The following PBX1 variants were observed in gnomAD, a reference collection of about 807,000 sequenced individuals.
The protein encoded by PBX1 is pre-B-cell leukemia transcription factor 1.
A neutral mutation model predicts 53.4 loss-of-function variants in PBX1; 6 were observed. That is an observed-to-expected ratio of 0.11 (90% CI 0.06 to 0.22). The LOEUF is 0.22. Ranked by LOEUF, PBX1 falls within the 10% of genes least tolerant of loss-of-function variation. The pLI is 1.00. For synonymous variants in PBX1, 204 were observed against 212.3 expected, an observed-to-expected ratio of 0.96 and a Z score of 0.34; for missense variants, 251 against 551.4, an observed-to-expected ratio of 0.46 and a Z score of 5.46.
chr1:164,720,940 A>G (rs1428344003), intron 2 of PBX1, among the ~76,000 whole-genome samples: 5 of 152,154 alleles, frequency 3.3e-5, no homozygotes, highest in Non-Finnish European at 7.3e-5. Context: ...CTGTGCCTTC[A>G]TTGCAACAAA....
chr1:164,582,701 AGTGTGAGCCACC>A (rs1365404383), intron 2 of PBX1, among the ~76,000 whole-genome samples: 1 of 152,132 alleles, frequency 6.6e-6, no homozygotes, highest in Non-Finnish European at 1.5e-5. Context: ...GGGAATTACA[AGTGTGAGCCACC>A]GTGCCCGGCC....
intron 2 of PBX1, among the ~76,000 whole-genome samples, chr1:164,661,531 A>C (rs1368491415): frequency 6.6e-6 from 1 of 151,420 alleles, no homozygotes; most frequent in Non-Finnish European, 1.5e-5. Flanking sequence ...GGTTCAAACA[A>C]TTCTCCTGCC....
Position 164,603,961 on chromosome 1 carries a change from T to TTTA in PBX1, c.265+40651_265+40652insTAT, listed in dbSNP as rs1553214847. ...TTTTTTTTTTTTTTTTTTTTTTTTTTTAGAGATGAGTCTCTGTCACCCAGG... is the reference window on the plus strand; with the variant it reads ...TTTTTTTTTTTTTTTTTTTTTTTTTTTTATAGAGATGAGTCTCTGTCACCCAGG... On this transcript the variant is annotated intron_variant, in intron 2 of 8. Coordinates refer to ENST00000420696, the MANE Select transcript of PBX1 (RefSeq NM_002585.4). 1.1e-3 allele frequency among the ~76,000 whole-genome samples: 140 copies of TTTA among 132,022 alleles called. 5 individuals carry two copies. Among genetic ancestry groups the TTTA allele is most frequent in the African/African-American group, 3.9e-3 (137 of 35,124 alleles). 86.6% of individuals were successfully genotyped at this position (132,022 alleles called of 152,430 possible).
chr1:164,848,377 T>C lies in PBX1; in HGVS notation c.*1701T>C, dbSNP rs1671670767. On this transcript the variant is annotated 3_prime_UTR_variant, in exon 9 of 9. Coordinates refer to ENST00000420696, the MANE Select transcript of PBX1 (RefSeq NM_002585.4). Reference sequence around the variant, plus strand: ...TTCATCTGTGAGATGGGAACTGTTATGCCTGGCTTACTAAGAGTCTTGTGA... The same window carrying C: ...TTCATCTGTGAGATGGGAACTGTTACGCCTGGCTTACTAAGAGTCTTGTGA... 6.6e-6 allele frequency: 7 copies of C among 1,056,034 alleles called. No homozygotes were observed. In the Admixed American group the frequency reaches 1.6e-4, roughly 25 times the overall value. The allele number at this position is 1,056,034 out of a possible 1,614,324, so 65.4% of individuals were successfully genotyped here.
intron 2 of PBX1, among the ~76,000 whole-genome samples, chr1:164,569,769 C>T (rs1325427146): frequency 1.3e-5 from 2 of 151,920 alleles, no homozygotes; most frequent in Non-Finnish European, 2.9e-5. Context: ...CCCTGTTGGC[C>T]AGGCTGGTCT....
intron 2 of PBX1, among the ~76,000 whole-genome samples, chr1:164,873,509 C>A (rs1205442802): frequency 6.6e-6 from 1 of 152,180 alleles, no homozygotes; most frequent in Admixed American, 6.5e-5. Context: ...TTACTACATG[C>A]TCTGAAGCCC....
intron 2 of PBX1, among the ~76,000 whole-genome samples, chr1:164,607,654 T>C (rs1656649897): frequency 6.6e-6 from 1 of 152,178 alleles, no homozygotes; most frequent in African/African-American, 2.4e-5. Flanking sequence ...TAAATAGCGA[T>C]TGATGCCGTG....
chr1:164,718,426 C>T (rs984448348), intron 2 of PBX1, among the ~76,000 whole-genome samples: 2 of 152,162 alleles, frequency 1.3e-5, no homozygotes, highest in Non-Finnish European at 1.5e-5. Flanking sequence ...GGTGGGGTGA[C>T]CTTCACTAAT....
chr1:164,621,063 A>C (rs1210300493), intron 2 of PBX1, among the ~76,000 whole-genome samples: 2 of 152,080 alleles, frequency 1.3e-5, no homozygotes, highest in African/African-American at 4.8e-5. Flanking sequence ...GTCTTGGCTC[A>C]CTGCAACCTC....
At chr1:164,833,297 A>G (rs187228876) in intron 8 of PBX1, among the ~76,000 whole-genome samples, 1 of 152,306 alleles carries the variant, frequency 6.6e-6, no homozygotes, top group East Asian at 1.9e-4. Context: ...TTTGCGGTTG[A>G]AAAACACCCA....
chr1:164,713,874 A>G (rs1351162976), intron 2 of PBX1, among the ~76,000 whole-genome samples: 2 of 152,248 alleles, frequency 1.3e-5, no homozygotes, highest in South Asian at 4.1e-4. Context: ...GACAAATGAT[A>G]TGTCGAAGCA....
intron 4 of PBX1, among the ~76,000 whole-genome samples, chr1:164,802,832 T>C (rs964508964): frequency 2.0e-5 from 3 of 152,196 alleles, no homozygotes; most frequent in Non-Finnish European, 4.4e-5. Context: ...CATTGTGCCA[T>C]ACAACTTGGT....
At chr1:164,776,941 A>AGG (rs1172894756) in intron 2 of PBX1, among the ~76,000 whole-genome samples, 10 of 25,938 alleles carry the variant, frequency 3.9e-4, no homozygotes, top group Non-Finnish European at 6.0e-4. Context: ...GTGTGGTGGG[A>AGG]GGAGAGAGAG....
intron 2 of PBX1, among the ~76,000 whole-genome samples, chr1:164,676,513 A>G (rs1661441366): frequency 2.0e-5 from 3 of 152,232 alleles, no homozygotes; most frequent in Admixed American, 1.3e-4. Context: ...TGCTAAGGAT[A>G]GGATACAAAA....
At chr1:164,772,190 C>A (rs1444960120) in intron 2 of PBX1, among the ~76,000 whole-genome samples, 1 of 152,228 alleles carries the variant, frequency 6.6e-6, no homozygotes, top group Non-Finnish European at 1.5e-5. Context: ...GAAATACTTT[C>A]CATCACAGTG....
chr1:164,799,342 T>A (rs1399210854), intron 3 of PBX1, among the ~76,000 whole-genome samples: 3 of 151,928 alleles, frequency 2.0e-5, no homozygotes, highest in Non-Finnish European at 2.9e-5. Flanking sequence ...TACAAAAAAA[T>A]TAGCTGGGCG....
intron 2 of PBX1, among the ~76,000 whole-genome samples, chr1:164,693,928 T>C (rs555961155): frequency 3.9e-5 from 6 of 152,290 alleles, no homozygotes; most frequent in African/African-American, 1.4e-4. Flanking sequence ...CTATGGGCCA[T>C]ATTCTGTTTT....
downstream of PBX1, among the ~76,000 whole-genome samples, chr1:164,854,947 T>TTC (rs1671946635): frequency 7.4e-6 from 1 of 135,564 alleles, no homozygotes; most frequent in Non-Finnish European, 1.6e-5. Flanking sequence ...CTCTCTCTCT[T>TTC]TTTTTTTTTT....
intron 2 of PBX1, among the ~76,000 whole-genome samples, chr1:164,573,765 C>G (rs766775377): frequency 1.3e-5 from 2 of 152,112 alleles, no homozygotes; most frequent in African/African-American, 4.8e-5. Context: ...GGATTACAGG[C>G]GTGAGCCACC....
Sources: allele counts gnomAD v4.1 joint callset (sites outside exome capture counted in the v4.1 genomes callset), GRCh38; gene constraint gnomAD v4.1.1; transcripts MANE v1.5; gene names NCBI Gene and HGNC (gene_info 2026-07-23, HGNC 2026-07-21).